Variants in EFR3B observed in about 807,000 individuals in gnomAD.
EFR3B encodes the protein EFR3 homolog B, also known as protein EFR3 homolog B.
Under a neutral mutation model 104.7 loss-of-function variants are expected in EFR3B, and 64 were observed. The observed-to-expected ratio is 0.61, with a 90% confidence interval of 0.50 to 0.75. The LOEUF is 0.75. Ranked by LOEUF, EFR3B falls within the 30% of genes least tolerant of loss-of-function variation. The pLI, the probability that EFR3B is intolerant of heterozygous loss-of-function variation, is 0.00. For synonymous variants in EFR3B, 385 were observed against 417.9 expected (o/e 0.92, Z 0.96); for missense variants, 750 against 1,078.5 (o/e 0.70, Z 4.27).
chr2:25,140,961 A>C (rs1396592211), intron 16 of EFR3B, among the ~76,000 whole-genome samples: 1 of 151,850 alleles, frequency 6.6e-6, no homozygotes, highest in Non-Finnish European at 1.5e-5. Flanking sequence ...GAATTGCTTG[A>C]AACTGGGAGG....
chr2:25,100,677 A>G (rs1182371417), intron 3 of EFR3B, among the ~76,000 whole-genome samples: 2 of 152,182 alleles, frequency 1.3e-5, no homozygotes. Flanking sequence ...TATTTTTAGT[A>G]GAGACGGTGT....
At chr2:25,139,834 C>T (rs1188745914) in intron 16 of EFR3B, among the ~76,000 whole-genome samples, 1 of 152,218 alleles carries the variant, frequency 6.6e-6, no homozygotes, top group Admixed American at 6.5e-5. Flanking sequence ...CCTGAAACAG[C>T]ATGAACACCT....
intron 6 of EFR3B, 142 bp downstream of exon 6, chr2:25,128,474 CA>C (rs1670227958): frequency 1.8e-6 from 2 of 1,086,442 alleles, no homozygotes; most frequent in Non-Finnish European, 2.6e-6. Flanking sequence ...GCAGTGAGTC[CA>C]AAGCTGGCTC....
rs1669274095 is a variant in EFR3B at position 25,096,276 on chromosome 2, A to G, written c.212+3146A>G. On this transcript the variant is annotated intron_variant, in intron 3 of 22. Coordinates refer to ENST00000403714, the MANE Select transcript of EFR3B (RefSeq NM_014971.2). ...TGATCCACCTGCCTCAGCCTCCCAA[A>G]ATGCTGGGATTACAGGCGGGAGCCA... Among the ~76,000 whole-genome samples, 4 of 152,050 alleles carry G rather than the reference A, an allele frequency of 2.6e-5. No homozygotes were observed. The South Asian group carries it at 8.3e-4, about 31-fold the overall frequency.
intron 1 of EFR3B, among the ~76,000 whole-genome samples, chr2:25,071,324 G>A (rs1165086399): frequency 2.0e-5 from 3 of 149,928 alleles, no homozygotes; most frequent in Admixed American, 6.7e-5. Context: ...GCAGTGGTGC[G>A]ATCTTGGCTC....
intron 1 of EFR3B, among the ~76,000 whole-genome samples, chr2:25,082,186 CT>C (rs1320227663): frequency 6.6e-6 from 1 of 152,238 alleles, no homozygotes; most frequent in Non-Finnish European, 1.5e-5. Context: ...TGGCTGTGTG[CT>C]GGAATTGTGG....
At chr2:25,084,631 G>T (rs1286224343) in intron 1 of EFR3B, among the ~76,000 whole-genome samples, 3 of 152,176 alleles carry the variant, frequency 2.0e-5, no homozygotes, top group Non-Finnish European at 4.4e-5. Flanking sequence ...GCCCAAGGTG[G>T]TTGAGGCATG....
intron 3 of EFR3B, among the ~76,000 whole-genome samples, chr2:25,095,140 G>C (rs780312418): frequency 3.9e-5 from 6 of 152,064 alleles, no homozygotes; most frequent in African/African-American, 7.2e-5. Flanking sequence ...AGAGATGTTC[G>C]TTATCTTGTT....
intron 1 of EFR3B, among the ~76,000 whole-genome samples, chr2:25,078,183 C>A (rs1573185476): frequency 6.6e-6 from 1 of 152,218 alleles, no homozygotes; most frequent in Non-Finnish European, 1.5e-5. Context: ...AGCAAGTGCC[C>A]TGCGAACTGC....
rs112676652 is a variant in EFR3B, at chr2:25,059,994, C to T, written c.7+17675C>T. On this transcript the variant is annotated intron_variant, in intron 1 of 22. Transcript: ENST00000403714. Reference sequence around the variant, plus strand: ...TGGGCATATCACGAGGTCAGGAATTCGAGACCAGCCCGGCCAACATGGTGA... The same window carrying T: ...TGGGCATATCACGAGGTCAGGAATTTGAGACCAGCCCGGCCAACATGGTGA... Among the ~76,000 whole-genome samples, 2,620 of 151,090 alleles carry T rather than the reference C, an allele frequency of 0.017. 191 individuals are homozygous for T. In the East Asian group the frequency reaches 0.24, roughly 14 times the overall value.
chr2:25,101,637 A>G (rs928820212), intron 3 of EFR3B, among the ~76,000 whole-genome samples: 1 of 152,180 alleles, frequency 6.6e-6, no homozygotes, highest in Admixed American at 6.6e-5. Context: ...GTGAGCCACC[A>G]TGCCCTGGCC....
intron 1 of EFR3B, among the ~76,000 whole-genome samples, chr2:25,085,864 T>C (rs1668937415): frequency 6.6e-6 from 1 of 151,178 alleles, no homozygotes; most frequent in South Asian, 2.1e-4. Context: ...ATATATTTAT[T>C]TGTCCTTGGA....
At chr2:25,066,302 T>C (rs778794721) in intron 1 of EFR3B, among the ~76,000 whole-genome samples, 1 of 152,186 alleles carries the variant, frequency 6.6e-6, no homozygotes, top group Non-Finnish European at 1.5e-5. Context: ...TTACGCATTC[T>C]AAGAGCACAA....
chr2:25,140,901 C>T (rs935687441), intron 16 of EFR3B, among the ~76,000 whole-genome samples: 1 of 151,994 alleles, frequency 6.6e-6, no homozygotes, highest in African/African-American at 2.4e-5. Context: ...ATTTGCCAGG[C>T]GTGGTGGCAT....
rs1484399384 is a variant in EFR3B, at chr2:25,089,799, G to A, written c.8-1526G>A. Among the ~76,000 whole-genome samples the A allele has an allele frequency of 2.0e-5, 3 of 152,152 alleles. 1 individual carries two copies. Among genetic ancestry groups the A allele is most frequent in the South Asian group, 4.1e-4 (2 of 4,826 alleles). On this transcript the variant is annotated intron_variant, in intron 1 of 22. Coordinates refer to ENST00000403714, the MANE Select transcript of EFR3B (RefSeq NM_014971.2). ...CCTGGAGAGCCTGGGCATGCAGCCCGCCCACTGGTCTGCCTGGTCCCTTCT... is the reference window on the plus strand; with the variant it reads ...CCTGGAGAGCCTGGGCATGCAGCCCACCCACTGGTCTGCCTGGTCCCTTCT...
chr2:25,142,756 C>G lies in EFR3B; in HGVS notation c.1923-979C>G, dbSNP rs1670706798. ...CCTGGGCAACAGGGAGAGACTTGGTCTAAGAAATAATAATAATAATAAATA... is the reference window on the plus strand; with the variant it reads ...CCTGGGCAACAGGGAGAGACTTGGTGTAAGAAATAATAATAATAATAAATA... On this transcript the variant is annotated intron_variant, in intron 17 of 22. Coordinates refer to ENST00000403714, the MANE Select transcript of EFR3B (RefSeq NM_014971.2). Among the ~76,000 whole-genome samples the G allele has an allele frequency of 2.1e-5, 3 of 141,756 alleles. No homozygotes were observed. The Admixed American group carries it at 2.2e-4, about 10-fold the overall frequency. The allele number at this position is 141,756 out of a possible 152,430, so 93.0% of individuals were successfully genotyped here.
At chr2:25,099,503 C>G (rs1669373512) in intron 3 of EFR3B, among the ~76,000 whole-genome samples, 1 of 151,200 alleles carries the variant, frequency 6.6e-6, no homozygotes, top group Non-Finnish European at 1.5e-5. Context: ...ATTAAAGAAT[C>G]ATTTAATAAA....
chr2:25,071,831 C>T (rs1668508288), intron 1 of EFR3B, among the ~76,000 whole-genome samples: 1 of 152,178 alleles, frequency 6.6e-6, no homozygotes, highest in African/African-American at 2.4e-5. Flanking sequence ...TACAAACATC[C>T]TGGTGAAGTG....
rs1397873060 is a variant in EFR3B at position 25,157,482 on chromosome 2, C to T, written c.*3142C>T. 1 of 152,232 alleles carries T rather than the reference C, an allele frequency of 6.6e-6. No homozygotes were observed. The highest frequency in any genetic ancestry group is 3.2e-3 in the Middle Eastern group (1 of 316). 9.4% of individuals were successfully genotyped at this position (152,232 alleles called of 1,614,324 possible). ...CTTCCAAGCCCCTGGAGGCTAGTGG[C>T]ATTGCATTGTGCCCCTTTTTGCCAC... On this transcript the variant is annotated 3_prime_UTR_variant, in exon 23 of 23. Transcript: ENST00000403714.
Sources: gnomAD v4.1 joint callset for allele counts (sites outside exome capture counted in the v4.1 genomes callset) on GRCh38, gnomAD v4.1.1 for gene constraint, MANE v1.5 for transcripts, NCBI Gene and HGNC (gene_info 2026-07-23, HGNC 2026-07-21) for gene names.